Variants in KCNMA1 observed in about 807,000 individuals in gnomAD.
The protein encoded by KCNMA1 is Calcium-activated potassium channel subunit alpha-1.
In KCNMA1, 29 loss-of-function variants were observed where a neutral mutation model predicts 140.0. The observed-to-expected ratio is 0.21, with a 90% CI of 0.15 to 0.28. The LOEUF (loss-of-function observed/expected upper bound fraction) is 0.28. Among genes scored for constraint, KCNMA1 ranks in the 10% least tolerant of loss-of-function variants. The pLI, the probability that KCNMA1 is intolerant of heterozygous loss-of-function variation, is 1.00. For missense variants in KCNMA1, 880 were observed against 1,602.2 expected (o/e 0.55, Z 7.70); for synonymous variants, 612 against 611.9 (o/e 1.00, Z 0.00).
intron 5 of KCNMA1, among the ~76,000 whole-genome samples, chr10:77,122,047 G>T (rs533141125): frequency 6.6e-6 from 1 of 152,320 alleles, no homozygotes; most frequent in East Asian, 1.9e-4. Flanking sequence ...GCACTGAGTT[G>T]ACAGACAACT....
At chr10:77,420,554 T>C (rs2096844626) in intron 1 of KCNMA1, among the ~76,000 whole-genome samples, 1 of 152,216 alleles carries the variant, frequency 6.6e-6, no homozygotes, top group Non-Finnish European at 1.5e-5. Flanking sequence ...TCTAGTCCAG[T>C]GGCTACATCC....
chr10:77,171,513 T>G (rs138837746), intron 5 of KCNMA1, among the ~76,000 whole-genome samples: 410 of 151,800 alleles, frequency 2.7e-3, no homozygotes, highest in Admixed American at 4.0e-3. Flanking sequence ...CTCTCAACAG[T>G]GGCTGCACAA....
intron 1 of KCNMA1, among the ~76,000 whole-genome samples, chr10:77,626,685 A>G (rs2092570847): frequency 6.6e-6 from 1 of 152,144 alleles, no homozygotes; most frequent in South Asian, 2.1e-4. Context: ...ACAAGCACAC[A>G]AAGAACATCT....
chr10:77,441,749 C>T (rs533661112), intron 1 of KCNMA1, among the ~76,000 whole-genome samples: 6 of 152,324 alleles, frequency 3.9e-5, no homozygotes, highest in African/African-American at 1.4e-4. Flanking sequence ...GGTCCACCAG[C>T]TAGATGGCCC....
chr10:77,582,659 A>C (rs2076191447), intron 1 of KCNMA1, among the ~76,000 whole-genome samples: 1 of 152,210 alleles, frequency 6.6e-6, no homozygotes, highest in Non-Finnish European at 1.5e-5. Context: ...TCCCTAACAC[A>C]AGCAAGAAGT....
intron 2 of KCNMA1, among the ~76,000 whole-genome samples, chr10:77,325,774 A>G (rs2083937823): frequency 6.6e-6 from 1 of 152,136 alleles, no homozygotes. Context: ...CCTTGTCGCC[A>G]TACCATTCTC....
intron 10 of KCNMA1, 118 bp downstream of exon 10, chr10:77,090,282 A>G: frequency 2.5e-6 from 2 of 785,002 alleles, no homozygotes; most frequent in Middle Eastern, 2.2e-4. Context: ...TGGCTTACCC[A>G]ACTCTGGCCC....
intron 2 of KCNMA1, among the ~76,000 whole-genome samples, chr10:77,266,551 A>C (rs1391173526): frequency 6.6e-6 from 1 of 152,210 alleles, no homozygotes. Context: ...ATGACATTTC[A>C]AGTACACAGG....
chr10:77,489,370 T>C (rs575157385), intron 1 of KCNMA1, among the ~76,000 whole-genome samples: 46 of 152,184 alleles, frequency 3.0e-4, no homozygotes, highest in Non-Finnish European at 6.2e-4. Flanking sequence ...AGTCTCACTC[T>C]TGTCGCCCAG....
chr10:77,014,807 C>T (rs959459582), intron 17 of KCNMA1, among the ~76,000 whole-genome samples: 1 of 152,184 alleles, frequency 6.6e-6, no homozygotes, highest in Non-Finnish European at 1.5e-5. Context: ...GCTCAGCTGA[C>T]CTCTGCCAAG....
At chr10:77,019,157 A>G (rs1372418655) in intron 16 of KCNMA1, 58 bp from the exon 17 acceptor site, 4 of 943,376 alleles carry the variant, frequency 4.2e-6, no homozygotes, top group Non-Finnish European at 6.9e-6. Context: ...TGTTCTGAAT[A>G]AAACCTTGAA....
At chr10:76,913,483 A>T (rs2051252235) in intron 24 of KCNMA1, 2 of 152,562 alleles carry the variant, frequency 1.3e-5, no homozygotes, top group African/African-American at 4.8e-5. Context: ...TAGTAAAAAA[A>T]GTTCTCCTAG....
chr10:77,072,500 G>A (rs1043562003), intron 14 of KCNMA1, among the ~76,000 whole-genome samples: 2 of 150,470 alleles, frequency 1.3e-5, no homozygotes, highest in African/African-American at 4.9e-5. Flanking sequence ...TGTCCAGCCA[G>A]CTCTGACAAG....
chr10:77,457,190 T>G (rs992953557), intron 1 of KCNMA1, among the ~76,000 whole-genome samples: 5 of 152,132 alleles, frequency 3.3e-5, no homozygotes, highest in African/African-American at 1.2e-4. Flanking sequence ...CTGCTTGCTC[T>G]GAGACCCAGT....
rs190257065 is a variant in KCNMA1 at position 77,328,914 on chromosome 10, C to T, written c.540+74948G>A. 1.9e-3 allele frequency among the ~76,000 whole-genome samples: 290 copies of T among 152,176 alleles called. 1 individual carries two copies. The highest frequency in any genetic ancestry group is 6.5e-3 in the African/African-American group (271 of 41,508). On this transcript the variant is annotated intron_variant, in intron 2 of 27. Coordinates refer to ENST00000286628, the MANE Select transcript of KCNMA1 (RefSeq NM_001161352.2). ...GGAGTGCAGTGGCATGATCTCGGCTCACTGCAAGCTTCACCTCCTCAGTTC... is the reference window on the plus strand; with the variant it reads ...GGAGTGCAGTGGCATGATCTCGGCTTACTGCAAGCTTCACCTCCTCAGTTC...
At chr10:77,381,496 C>T (rs1005669065) in intron 2 of KCNMA1, among the ~76,000 whole-genome samples, 7 of 152,104 alleles carry the variant, frequency 4.6e-5, no homozygotes, top group Non-Finnish European at 5.9e-5. Context: ...GTTTCCTTCT[C>T]GGCAGTATAA....
At chr10:77,000,698 T>C (rs2085940573) in intron 19 of KCNMA1, among the ~76,000 whole-genome samples, 1 of 151,738 alleles carries the variant, frequency 6.6e-6, no homozygotes, top group East Asian at 1.9e-4. Flanking sequence ...AAGATATTAA[T>C]GGAACAGTCC....
At position 77,086,319 on chromosome 10, in the gene KCNMA1, C is replaced by G. The variant is rs73290372; in HGVS notation, c.1440+169G>C. On this transcript the variant is annotated intron_variant, in intron 11 of 27. Transcript: ENST00000286628. ...ATGCCAGCAGAAGGAGGTCCTGGGA[C>G]CAGTGGAAGGGTGACCTCAAGGTTG... 0.013 allele frequency among the ~76,000 whole-genome samples: 1,944 copies of G among 152,122 alleles called. 40 individuals are homozygous for G. The highest frequency in any genetic ancestry group is 0.043 in the African/African-American group (1,783 of 41,484).
At position 77,438,969 on chromosome 10, in the gene KCNMA1, G is replaced by A. The variant is rs1334419257; in HGVS notation, c.379-34946C>T. Among the ~76,000 whole-genome samples the A allele has an allele frequency of 3.9e-5, 6 of 152,028 alleles. No individual in the cohort carries two copies. The South Asian group carries it at 1.0e-3, about 26-fold the overall frequency. ...TGCATGCCTGTGGTCCCAGCTACTCGGGAGGCTGAAACAGGAGAATGACTT... is the reference window on the plus strand; with the variant it reads ...TGCATGCCTGTGGTCCCAGCTACTCAGGAGGCTGAAACAGGAGAATGACTT... On this transcript the variant is annotated intron_variant, in intron 1 of 27. Transcript: ENST00000286628.
Sources: allele counts gnomAD v4.1 joint callset (sites outside exome capture counted in the v4.1 genomes callset), GRCh38; gene constraint gnomAD v4.1.1; transcripts MANE v1.5; gene names NCBI Gene and HGNC (gene_info 2026-07-23, HGNC 2026-07-21).